HHLA1: variants seen among roughly 807,000 people sequenced by gnomAD.
HHLA1 encodes the protein HERV-H LTR-associating protein 1.
Under a neutral mutation model 69.9 loss-of-function variants are expected in HHLA1, and 72 were observed. The observed-to-expected ratio is 1.03, with a 90% CI of 0.85 to 1.25. The LOEUF (loss-of-function observed/expected upper bound fraction) is 1.25. HHLA1 is among the 50% of genes most tolerant of loss of function. The pLI is 0.00. For synonymous variants in HHLA1, 252 were observed against 233.2 expected, an observed-to-expected ratio of 1.08 and a Z score of -0.73; for missense variants, 685 against 642.2, an observed-to-expected ratio of 1.07 and a Z score of -0.72.
chr8:132,076,365 C>A (rs1003844920), intron 13 of HHLA1, 110 bp downstream of exon 13: 5 of 793,216 alleles, frequency 6.3e-6, no homozygotes, highest in Admixed American at 5.0e-5. Flanking sequence ...AGCAGAGTAA[C>A]CTGCTTAGAT....
rs570421905 is a variant in HHLA1, at chr8:132,097,739, C to T, written c.280+1143G>A. On this transcript the variant is annotated intron_variant, in intron 5 of 16. Transcript: ENST00000414222. ...GCACCTCCCAAGGCAGCCCTATCCTCGGCAACTCTCATGAGAGCAAATTGG... is the reference window on the plus strand; with the variant it reads ...GCACCTCCCAAGGCAGCCCTATCCTTGGCAACTCTCATGAGAGCAAATTGG... Among the ~76,000 whole-genome samples, 101 of 152,282 alleles carry T rather than the reference C, an allele frequency of 6.6e-4. 1 individual carries two copies. Among genetic ancestry groups the T allele is most frequent in the African/African-American group, 2.3e-3 (95 of 41,566 alleles).
In HHLA1 at chr8:132,089,496, C is replaced by T. The variant is rs894516613; in HGVS notation, c.532+20G>A. 31 of 1,368,234 alleles carry T rather than the reference C, an allele frequency of 2.3e-5. No homozygotes were observed. The highest frequency in any genetic ancestry group is 7.2e-5 in the African/African-American group (5 of 69,366). The allele number at this position is 1,368,234 out of a possible 1,614,324, so 84.8% of individuals were successfully genotyped here. A position where few individuals can be genotyped will look rare whatever the true frequency, so the allele number is the denominator to read the frequency against. ...ATGCTAAACCTCAAAGTTGCCAAAG[C>T]GTTTTCAAGATGAACACACCTGAGA... On this transcript the variant is annotated intron_variant, in intron 8 of 16. Coordinates refer to ENST00000414222, the MANE Select transcript of HHLA1 (RefSeq NM_001145095.3).
In HHLA1 at chr8:132,063,803, C is replaced by A. The variant is rs1254556554; in HGVS notation, c.*192G>T. On this transcript the variant is annotated 3_prime_UTR_variant, in exon 17 of 17. Coordinates refer to ENST00000414222, the MANE Select transcript of HHLA1 (RefSeq NM_001145095.3). The stretch of plus-strand genomic sequence containing the variant: ...AGGCCTCTAACAAGAAAACTTCTAC[C>A]TTCAATGTTTTGCACAGATTCACAG... 1 of 212,140 alleles carries A rather than the reference C, an allele frequency of 4.7e-6. No homozygotes were observed. The highest frequency in any genetic ancestry group is 2.2e-5 in the African/African-American group (1 of 44,642). 13.1% of individuals were successfully genotyped at this position (212,140 alleles called of 1,614,324 possible).
At chr8:132,080,121 C>A (rs1305017942) in intron 10 of HHLA1, 155 bp from the exon 11 acceptor site, 2 of 1,050,816 alleles carry the variant, frequency 1.9e-6, no homozygotes. Context: ...TGAACAGATT[C>A]TGACCCCTGT....
intron 3 of HHLA1, among the ~76,000 whole-genome samples, chr8:132,102,401 C>G (rs1350496532): frequency 6.6e-6 from 1 of 152,216 alleles, no homozygotes; most frequent in African/African-American, 2.4e-5. Context: ...GGTGGGGACT[C>G]TAACTCCCCT....
chr8:132,110,053 G>A (rs1489380863), intron 1 of HHLA1, among the ~76,000 whole-genome samples: 10 of 152,252 alleles, frequency 6.6e-5, no homozygotes, highest in African/African-American at 2.4e-4. Context: ...GTGTGTTACC[G>A]CCAATCAACA....
chr8:132,095,825 T>C, intron 5 of HHLA1, 39 bp from the exon 6 acceptor site: 1 of 1,283,812 alleles, frequency 7.8e-7, no homozygotes, highest in Non-Finnish European at 1.1e-6. Flanking sequence ...GACAGATGCC[T>C]ACTAACGTAA....
chr8:132,096,315 A>G (rs1824026087), intron 5 of HHLA1, among the ~76,000 whole-genome samples: 1 of 152,188 alleles, frequency 6.6e-6, no homozygotes, highest in Non-Finnish European at 1.5e-5. Flanking sequence ...CTTTCTTGTA[A>G]GGACCCTTGT....
chr8:132,082,532 T>C (rs1012256461), intron 10 of HHLA1, among the ~76,000 whole-genome samples: 2 of 152,062 alleles, frequency 1.3e-5, no homozygotes, highest in Non-Finnish European at 2.9e-5. Flanking sequence ...ATGAGAATTA[T>C]GCCGAGATAG....
At chr8:132,093,505 C>T (rs1049954159) in intron 7 of HHLA1, among the ~76,000 whole-genome samples, 1 of 152,164 alleles carries the variant, frequency 6.6e-6, no homozygotes, top group Non-Finnish European at 1.5e-5. Flanking sequence ...AGGTGTTGAG[C>T]AACGGCAAGT....
At position 132,061,964 on chromosome 8, in the gene HHLA1, C is replaced by T. The variant is rs1168539132; in HGVS notation, c.*2031G>A. The T allele has an allele frequency of 6.6e-6, 1 of 152,224 alleles. No individual in the cohort carries two copies. Among genetic ancestry groups the T allele is most frequent in the Non-Finnish European group, 1.5e-5 (1 of 68,056 alleles). 9.4% of individuals were successfully genotyped at this position (152,224 alleles called of 1,614,324 possible). A position where few individuals can be genotyped will look rare whatever the true frequency, so the allele number is the denominator to read the frequency against. On this transcript the variant is annotated 3_prime_UTR_variant, in exon 17 of 17. Coordinates refer to ENST00000414222, the MANE Select transcript of HHLA1 (RefSeq NM_001145095.3). ...TCATTATTCCCAAAGTATGGGGTAA[C>T]TGGGTTCACATGGGTTTCCCCACAA...
At position 132,076,086 on chromosome 8, in the gene HHLA1, T is replaced by G; in HGVS notation, c.1284A>C (p.Pro428=). ...CTTGATGGGGTCTTGGGACCAGGAC[T>G]GGCTCTTCACCAGCAGTGAATGGCC... ...AEWPFTAGEE[P]VLVPRPHQVS... Residue 428 remains proline (P), a synonymous_variant, in exon 14 of 17, where the codon CCA becomes CCC. Coordinates refer to ENST00000414222, the MANE Select transcript of HHLA1 (RefSeq NM_001145095.3). 6.4e-7 allele frequency: 1 copy of G among 1,551,478 alleles called. No individual in the cohort carries two copies. Among genetic ancestry groups the G allele is most frequent in the Non-Finnish European group, 8.7e-7 (1 of 1,146,910 alleles).
At chr8:132,065,239 T>C (rs1823413847) in intron 16 of HHLA1, among the ~76,000 whole-genome samples, 1 of 152,210 alleles carries the variant, frequency 6.6e-6, no homozygotes, top group Non-Finnish European at 1.5e-5. Flanking sequence ...TGCCTTCTTT[T>C]GCATGAATTA....
At chr8:132,098,831 T>C (rs1051971075) in intron 5 of HHLA1, 51 bp downstream of exon 5, 3 of 1,189,534 alleles carry the variant, frequency 2.5e-6, no homozygotes, top group Non-Finnish European at 3.6e-6. Context: ...GAAAAGACAC[T>C]GGTACAAGAA....
Position 132,098,977 on chromosome 8 carries a change from G to C in HHLA1, c.200-15C>G. 2 of 1,523,298 alleles carry C rather than the reference G, an allele frequency of 1.3e-6. No individual in the cohort carries two copies. The highest frequency in any genetic ancestry group is 8.9e-7 in the Non-Finnish European group (1 of 1,129,090). The allele number at this position is 1,523,298 out of a possible 1,614,324, so 94.4% of individuals were successfully genotyped here. On this transcript the variant is annotated splice_polypyrimidine_tract_variant and intron_variant, in intron 4 of 16. Transcript: ENST00000414222. ...TGCGGGCAGCTCTGAAAGAGATTCA[G>C]AGATAATGTCACTGGCAGGCTTTTC...
chr8:132,083,704 A>G (rs1328294759), intron 10 of HHLA1, among the ~76,000 whole-genome samples: 1 of 152,192 alleles, frequency 6.6e-6, no homozygotes. Context: ...ACATGTAGCA[A>G]GCTCCTGTGG....
intron 12 of HHLA1, among the ~76,000 whole-genome samples, chr8:132,077,481 G>T (rs1235714118): frequency 6.6e-6 from 1 of 151,996 alleles, no homozygotes; most frequent in African/African-American, 2.4e-5. Context: ...AGAAGAAATT[G>T]GGGAGTGCGA....
At chr8:132,084,414 G>A (rs900592657) in intron 10 of HHLA1, among the ~76,000 whole-genome samples, 1 of 121,210 alleles carries the variant, frequency 8.3e-6, no homozygotes, top group Non-Finnish European at 1.7e-5. Flanking sequence ...GATTTGGGAC[G>A]AGTTGCACTG....
intron 11 of HHLA1, 98 bp downstream of exon 11, chr8:132,079,620 G>A: frequency 7.7e-7 from 1 of 1,297,908 alleles, no homozygotes; most frequent in Non-Finnish European, 1.0e-6. Context: ...AGTTGGTGGA[G>A]AAGGGATTAA....
Sources: allele counts gnomAD v4.1 joint callset (sites outside exome capture counted in the v4.1 genomes callset), GRCh38; gene constraint gnomAD v4.1.1; transcripts MANE v1.5; gene names NCBI Gene and HGNC (gene_info 2026-07-23, HGNC 2026-07-21).